PHLPP1: variants seen among roughly 807,000 people sequenced by gnomAD.
PHLPP1 encodes the protein PH domain and leucine rich repeat protein phosphatase 1, also known as PH domain leucine-rich repeat-containing protein phosphatase 1.
Under a neutral mutation model 117.2 loss-of-function variants are expected in PHLPP1, and 42 were observed. The ratio of observed to expected loss-of-function variants is 0.36; its 90% confidence interval spans 0.28 to 0.46. The LOEUF (loss-of-function observed/expected upper bound fraction) is 0.46, where lower values mean the gene tolerates loss of function less well. Among genes scored for constraint, PHLPP1 ranks in the 20% least tolerant of loss-of-function variants. The pLI is 1.00. For missense variants in PHLPP1, 2,084 were observed against 2,241.9 expected (o/e 0.93, Z 1.42); for synonymous variants, 1,042 against 970.7 (o/e 1.07, Z -1.37).
chr18:62,778,162 A>G (rs138878811), intron 1 of PHLPP1, among the ~76,000 whole-genome samples: 1,598 of 152,294 alleles, frequency 0.01, 21 homozygotes, highest in Middle Eastern at 0.02. Context: ...ATTTTGTTAG[A>G]TTGAACTCTT....
chr18:62,927,875 C>T (rs779480031), intron 10 of PHLPP1, among the ~76,000 whole-genome samples: 1 of 151,828 alleles, frequency 6.6e-6, no homozygotes, highest in Non-Finnish European at 1.5e-5. Flanking sequence ...AAAAGAGTAT[C>T]GATTGGATAC....
chr18:62,716,743 C>T lies in PHLPP1; in HGVS notation c.1060C>T (p.Pro354Ser). ...VSDTESFSLS[P>S]SAESVSDRLD... is the part of the protein sequence containing the mutation. ...CGACACCGAGAGCTTCAGTCTGAGT[C>T]CCAGCGCCGAGAGCGTGTCTGACCG... Residue 354 changes from proline (P) to serine (S), a missense_variant, in exon 1 of 17, where the codon CCC becomes TCC. Physicochemically the swap from Pro to Ser is moderately conservative, Grantham distance 74. Around this residue, in one of 2 missense-constraint regions of PHLPP1, gnomAD observed 719 missense variants for 636.0 expected, o/e 1.13. Coordinates refer to ENST00000262719, the MANE Select transcript of PHLPP1 (RefSeq NM_194449.4). The surrounding 1 kb of genome is among the most constrained non-coding windows in gnomAD (Gnocchi z 5.7). The T allele has an allele frequency of 6.6e-7, 1 of 1,517,920 alleles. No individual in the cohort carries two copies. The highest frequency in any genetic ancestry group is 8.8e-7 in the Non-Finnish European group (1 of 1,138,492). 94.0% of individuals were successfully genotyped at this position (1,517,920 alleles called of 1,614,324 possible).
At chr18:62,829,302 A>G (rs1307566088) in intron 1 of PHLPP1, among the ~76,000 whole-genome samples, 1 of 152,202 alleles carries the variant, frequency 6.6e-6, no homozygotes, top group Admixed American at 6.5e-5. Flanking sequence ...AGTTAATTTT[A>G]TTAAACTGAT....
chr18:62,951,864 G>C (rs952381274), intron 12 of PHLPP1, among the ~76,000 whole-genome samples: 1 of 140,710 alleles, frequency 7.1e-6, no homozygotes, highest in Non-Finnish European at 1.5e-5. Flanking sequence ...GCCCAGGCTC[G>C]AGTGCAATGG....
At chr18:62,766,102 T>TATATATA (rs1491446982) in intron 1 of PHLPP1, among the ~76,000 whole-genome samples, 1 of 60,706 alleles carries the variant, frequency 1.6e-5, no homozygotes, top group South Asian at 5.2e-4. Flanking sequence ...TATATATATA[T>TATATATA]AAAATATATA....
At chr18:62,893,446 T>A (rs960382901) in intron 4 of PHLPP1, among the ~76,000 whole-genome samples, 10 of 152,370 alleles carry the variant, frequency 6.6e-5, no homozygotes, top group South Asian at 6.2e-4. Flanking sequence ...TGATTTTTTT[T>A]AAATTTAAAA....
Position 62,824,340 on chromosome 18 carries a change from A to G in PHLPP1, c.1577-5695A>G, listed in dbSNP as rs928721936. On this transcript the variant is annotated intron_variant, in intron 1 of 16. Transcript: ENST00000262719. ...AAGACTGTAAAGAATTCAAGTGTCC[A>G]TTAGCAGATCAATGGTTAAACTGTG... The G allele has an allele frequency of 9.1e-5, 35 of 382,688 alleles. 1 individual carries two copies. Among genetic ancestry groups the G allele is most frequent in the South Asian group, 6.5e-4 (33 of 50,574 alleles). 23.7% of individuals were successfully genotyped at this position (382,688 alleles called of 1,614,324 possible). A position where few individuals can be genotyped will look rare whatever the true frequency, so the allele number is the denominator to read the frequency against.
At chr18:62,828,886 G>A (rs1422431140) in intron 1 of PHLPP1, among the ~76,000 whole-genome samples, 1 of 152,136 alleles carries the variant, frequency 6.6e-6, no homozygotes, top group Non-Finnish European at 1.5e-5. Context: ...TTATCTCTGG[G>A]CAGAGGCTTT....
intron 12 of PHLPP1, among the ~76,000 whole-genome samples, chr18:62,953,792 A>G (rs1274853917): frequency 1.3e-5 from 2 of 152,184 alleles, no homozygotes; most frequent in African/African-American, 4.8e-5. Flanking sequence ...TGTGATTGGG[A>G]TCCTCATTTT....
intron 1 of PHLPP1, among the ~76,000 whole-genome samples, chr18:62,798,320 T>A (rs1234792342): frequency 6.6e-6 from 1 of 152,206 alleles, no homozygotes; most frequent in Non-Finnish European, 1.5e-5. Context: ...TTGCTTGGGA[T>A]CCAGGTGTGC....
chr18:62,969,166 C>CA (rs1426457641), intron 14 of PHLPP1, among the ~76,000 whole-genome samples: 3 of 152,106 alleles, frequency 2.0e-5, no homozygotes, highest in African/African-American at 7.2e-5. Flanking sequence ...CTTGGCCTCT[C>CA]AAAGTACTGA....
intron 3 of PHLPP1, among the ~76,000 whole-genome samples, chr18:62,855,784 A>G (rs1252188719): frequency 1.3e-5 from 2 of 152,152 alleles, no homozygotes; most frequent in East Asian, 1.9e-4. Flanking sequence ...ATTTAGTGGG[A>G]TGCTTCATTT....
chr18:62,969,471 A>G (rs1416131589), intron 14 of PHLPP1, among the ~76,000 whole-genome samples: 1 of 151,852 alleles, frequency 6.6e-6, no homozygotes, highest in Non-Finnish European at 1.5e-5. Flanking sequence ...TTCTGTGTGC[A>G]TTTAAAAAAA....
At chr18:62,756,210 C>G (rs1485899972) in intron 1 of PHLPP1, among the ~76,000 whole-genome samples, 1 of 152,182 alleles carries the variant, frequency 6.6e-6, no homozygotes, top group Non-Finnish European at 1.5e-5. Context: ...ATTATCCACT[C>G]AGGGAGCCAG....
intron 11 of PHLPP1, among the ~76,000 whole-genome samples, chr18:62,944,409 A>G (rs892302777): frequency 6.6e-6 from 1 of 152,246 alleles, no homozygotes; most frequent in African/African-American, 2.4e-5. Flanking sequence ...ATTCTTAAAC[A>G]GAAGTATTAA....
chr18:62,939,880 TC>T (rs1333096656), intron 10 of PHLPP1, among the ~76,000 whole-genome samples: 1 of 152,126 alleles, frequency 6.6e-6, no homozygotes, highest in Non-Finnish European at 1.5e-5. Flanking sequence ...TATTCTGTAT[TC>T]TTTTTAAGGA....
intron 1 of PHLPP1, among the ~76,000 whole-genome samples, chr18:62,741,597 C>G (rs1332868567): frequency 2.6e-5 from 4 of 152,036 alleles, no homozygotes; most frequent in Non-Finnish European, 5.9e-5. Context: ...GTGTGCCACT[C>G]TTTAACAAGA....
intron 1 of PHLPP1, among the ~76,000 whole-genome samples, chr18:62,720,331 C>T (rs1599011737): frequency 1.3e-5 from 2 of 152,118 alleles, no homozygotes; most frequent in African/African-American, 2.4e-5. Context: ...TCTCCCAGCA[C>T]TTAGATCTGA....
At chr18:62,965,452 C>CTTTTTTTTTTTTT (rs34187461) in intron 14 of PHLPP1, among the ~76,000 whole-genome samples, 1 of 76,144 alleles carries the variant, frequency 1.3e-5, no homozygotes, top group Non-Finnish European at 2.4e-5. Flanking sequence ...TAATCAGCCT[C>CTTTTTTTTTTTTT]TTTTTTTTTT....
Sources: allele counts gnomAD v4.1 joint callset (sites outside exome capture counted in the v4.1 genomes callset), GRCh38; gene constraint gnomAD v4.1.1; regional missense constraint gnomAD v4.1.1; non-coding constraint Gnocchi (gnomAD v3.1); transcripts MANE v1.5; gene names NCBI Gene and HGNC (gene_info 2026-07-23, HGNC 2026-07-21).